RBFOX1: variants seen among roughly 807,000 people sequenced by gnomAD.
RBFOX1 encodes RNA binding protein fox-1 homolog 1.
RBFOX1 carries 8 observed loss-of-function variants against 57.7 expected under a neutral mutation model. The observed-to-expected ratio is 0.14, with a 90% confidence interval of 0.08 to 0.25. The LOEUF is 0.25. RBFOX1 is among the 10% of genes least tolerant of loss of function. The pLI is 1.00. For synonymous variants in RBFOX1, 326 were observed against 222.4 expected (o/e 1.47, Z -4.15); for missense variants, 611 against 548.5 (o/e 1.11, Z -1.14).
chr16:6,664,429 G>T (rs144232856), intron 3 of RBFOX1, among the ~76,000 whole-genome samples: 7 of 152,272 alleles, frequency 4.6e-5, no homozygotes, highest in African/African-American at 1.4e-4. Flanking sequence ...GTCATCTAGC[G>T]TCAGCAAATC....
In RBFOX1 at chr16:6,859,801, A is replaced by G. The variant is rs182214018; in HGVS notation, c.-15-192256A>G. On this transcript the variant is annotated intron_variant, in intron 3 of 15. Transcript: ENST00000550418. ...TAAGGCTCCAAAAGGCATTGATACA[A>G]GTATATTTTTTCTGCCATTCTTGTT... Among the ~76,000 whole-genome samples, 19 of 152,100 alleles carry G rather than the reference A, an allele frequency of 1.2e-4. No individual in the cohort carries two copies. The East Asian group carries it at 3.1e-3, about 25-fold the overall frequency.
chr16:6,849,337 C>T (rs1051844484), intron 3 of RBFOX1, among the ~76,000 whole-genome samples: 6 of 152,110 alleles, frequency 3.9e-5, no homozygotes, highest in East Asian at 1.9e-4. Flanking sequence ...TAGATTATGA[C>T]AAAAGTAGAA....
At chr16:7,244,416 A>C (rs2094205268) in intron 4 of RBFOX1, among the ~76,000 whole-genome samples, 1 of 152,128 alleles carries the variant, frequency 6.6e-6, no homozygotes, top group Non-Finnish European at 1.5e-5. Flanking sequence ...CAGCCATTTC[A>C]GCACACATCT....
intron 3 of RBFOX1, among the ~76,000 whole-genome samples, chr16:6,920,938 C>G (rs112912567): frequency 6.6e-6 from 1 of 152,188 alleles, no homozygotes. Flanking sequence ...AGGACACTAT[C>G]TGGCTAGTCT....
intron 1 of RBFOX1, among the ~76,000 whole-genome samples, chr16:6,114,011 A>G (rs1250511088): frequency 6.6e-6 from 1 of 150,760 alleles, no homozygotes; most frequent in Non-Finnish European, 1.5e-5. Flanking sequence ...AAGCATGACT[A>G]TTCAAACTAC....
At chr16:5,865,071 G>A (rs916987376) in intron 3 of RBFOX1, among the ~76,000 whole-genome samples, 6 of 152,146 alleles carry the variant, frequency 3.9e-5, no homozygotes, top group Non-Finnish European at 7.4e-5. Flanking sequence ...AATGACACAA[G>A]GTTAGGAAAC....
intron 1 of RBFOX1, among the ~76,000 whole-genome samples, chr16:6,227,741 C>A (rs752857623): frequency 2.0e-5 from 3 of 152,154 alleles, no homozygotes; most frequent in African/African-American, 4.8e-5. Flanking sequence ...ATAGGGCCAA[C>A]CTCCAAACTT....
At chr16:7,341,776 C>CCTTCCTTCCTTCCTTCCT (rs1555741398) in intron 4 of RBFOX1, among the ~76,000 whole-genome samples, 6 of 95,198 alleles carry the variant, frequency 6.3e-5, no homozygotes, top group African/African-American at 2.4e-4. Context: ...CCCTCCCTCC[C>CCTTCCTTCCTTCCTTCCT]TCCTTCCTTC....
At chr16:6,305,354 G>C (rs189485181) in intron 1 of RBFOX1, among the ~76,000 whole-genome samples, 2 of 152,168 alleles carry the variant, frequency 1.3e-5, no homozygotes, top group Admixed American at 6.5e-5. Flanking sequence ...GTGCAATGCT[G>C]CATGCAAATT....
chr16:5,750,664 G>A (rs1056291190), intron 3 of RBFOX1, among the ~76,000 whole-genome samples: 1 of 152,358 alleles, frequency 6.6e-6, no homozygotes, highest in Middle Eastern at 3.4e-3. Context: ...GACCCTCTGA[G>A]CCAGGCATGG....
At chr16:6,164,531 A>C (rs375529254) in intron 1 of RBFOX1, among the ~76,000 whole-genome samples, 3 of 146,836 alleles carry the variant, frequency 2.0e-5, no homozygotes, top group African/African-American at 7.6e-5. Flanking sequence ...CAGTGGTGCT[A>C]TCTCGGCCCA....
intron 1 of RBFOX1, among the ~76,000 whole-genome samples, chr16:5,318,125 G>T (rs1288171972): frequency 6.6e-6 from 1 of 151,392 alleles, no homozygotes; most frequent in Non-Finnish European, 1.5e-5. Flanking sequence ...TACACCTACT[G>T]TTTTTTTTTA....
intron 4 of RBFOX1, among the ~76,000 whole-genome samples, chr16:7,251,609 G>T (rs1201634453): frequency 6.6e-6 from 1 of 151,900 alleles, no homozygotes; most frequent in Admixed American, 6.6e-5. Context: ...TAGTGGAGAC[G>T]AAGTTTCACC....
intron 2 of RBFOX1, among the ~76,000 whole-genome samples, chr16:5,552,692 C>G (rs1271176908): frequency 1.3e-5 from 2 of 152,166 alleles, no homozygotes; most frequent in Non-Finnish European, 2.9e-5. Context: ...TTCTGCCAGC[C>G]TTCCCTCTAC....
Position 7,664,914 on chromosome 16 carries a change from T to C in RBFOX1, c.891-15T>C, listed in dbSNP as rs1336443520. On this transcript the variant is annotated splice_polypyrimidine_tract_variant and intron_variant, in intron 12 of 15. Coordinates refer to ENST00000550418, the MANE Select transcript of RBFOX1 (RefSeq NM_018723.4). ...ACTAATATGGATGTTTCTCTTTGTG[T>C]GTGCACCCTTGCAGTGTTGTTTACC... is the stretch of plus-strand genomic sequence containing the variant. 1 of 1,613,942 alleles carries C rather than the reference T, an allele frequency of 6.2e-7. No individual in the cohort carries two copies. Among genetic ancestry groups the C allele is most frequent in the Non-Finnish European group, 8.5e-7 (1 of 1,179,826 alleles).
intron 2 of RBFOX1, among the ~76,000 whole-genome samples, chr16:6,379,342 C>T (rs374422073): frequency 3.5e-4 from 54 of 152,216 alleles, no homozygotes; most frequent in African/African-American, 1.3e-3. Flanking sequence ...AGGATGGCCA[C>T]ACATCCCAGT....
chr16:5,874,138 A>G (rs2057545460), intron 4 of RBFOX1, among the ~76,000 whole-genome samples: 1 of 152,196 alleles, frequency 6.6e-6, no homozygotes. Flanking sequence ...TGAGTTTGGC[A>G]GTCGTGCCAT....
chr16:5,863,137 G>A (rs1367811125), intron 3 of RBFOX1, among the ~76,000 whole-genome samples: 1 of 152,156 alleles, frequency 6.6e-6, no homozygotes, highest in African/African-American at 2.4e-5. Context: ...AATCTCAGTT[G>A]AAAAGGAATC....
chr16:7,297,886 T>G (rs887202911), intron 4 of RBFOX1, among the ~76,000 whole-genome samples: 4 of 152,172 alleles, frequency 2.6e-5, no homozygotes, highest in African/African-American at 9.7e-5. Context: ...TTTATTTGTT[T>G]CCGGGCCCTT....
Sources: gnomAD v4.1 joint callset for allele counts (sites outside exome capture counted in the v4.1 genomes callset) on GRCh38, gnomAD v4.1.1 for gene constraint, MANE v1.5 for transcripts, NCBI Gene and HGNC (gene_info 2026-07-23, HGNC 2026-07-21) for gene names.